The following SNRPD2 variants were observed in gnomAD, a reference collection of about 807,000 sequenced individuals.
SNRPD2 encodes the protein small nuclear ribonucleoprotein Sm D2.
SNRPD2 carries 1 observed loss-of-function variant against 11.5 expected under a neutral mutation model. The observed-to-expected ratio is 0.09, with a 90% CI of 0.03 to 0.41. The LOEUF (loss-of-function observed/expected upper bound fraction) is 0.41. Ranked by LOEUF, SNRPD2 falls within the 10% of genes least tolerant of loss-of-function variation. SNRPD2 has a pLI of 0.98. For missense variants in SNRPD2, 77 were observed against 154.9 expected, an observed-to-expected ratio of 0.50 and a Z score of 2.67; for synonymous variants, 63 against 61.5, an observed-to-expected ratio of 1.02 and a Z score of -0.12.
chr19:45,692,039 C>T, upstream of SNRPD2: 6 of 1,586,336 alleles, frequency 3.8e-6, no homozygotes, highest in Middle Eastern at 3.4e-4. Flanking sequence ...GTTGCCACAG[C>T]ATTCCCCACC....
In SNRPD2 at chr19:45,689,200, A is replaced by C. The variant is rs750536579; in HGVS notation, c.3-634T>G. The C allele has an allele frequency of 1.5e-5, 8 of 520,076 alleles. No individual in the cohort carries two copies. In the Admixed American group the frequency reaches 1.6e-4, roughly 10 times the overall value. 32.2% of individuals were successfully genotyped at this position (520,076 alleles called of 1,614,324 possible). On this transcript the variant is annotated intron_variant, in intron 1 of 2. Coordinates refer to ENST00000342669, the MANE Select transcript of SNRPD2 (RefSeq NM_001384647.1). ...GATTCCTCTTTTTCCCTCACATCCT[A>C]CATGAAATCTGTAGGAAATGGCCGT...
chr19:45,689,593 C>A (rs1967487248), intron 1 of SNRPD2, among the ~76,000 whole-genome samples: 2 of 152,066 alleles, frequency 1.3e-5, no homozygotes, highest in Non-Finnish European at 2.9e-5. Context: ...CGCCTGTAAT[C>A]TCAGCTACTC....
intron 1 of SNRPD2, chr19:45,691,297 A>G (rs968645845): frequency 6.6e-6 from 1 of 152,282 alleles, no homozygotes; most frequent in East Asian, 1.9e-4. Flanking sequence ...CGGCCGGCTA[A>G]TTTTTGTATT....
chr19:45,691,973 C>A (rs560475143), upstream of SNRPD2: 32 of 1,612,894 alleles, frequency 2.0e-5, no homozygotes, highest in South Asian at 2.4e-4. Context: ...CCTCTTCCTG[C>A]GACCCACTTC....
chr19:45,692,023 T>G, upstream of SNRPD2: 1 of 1,601,066 alleles, frequency 6.2e-7, no homozygotes, highest in Non-Finnish European at 8.5e-7. Flanking sequence ...AGTGGAGGCG[T>G]GGCCTGTTGC....
chr19:45,691,799 C>CA lies in SNRPD2; in HGVS notation c.2+87_2+88insT, dbSNP rs552405170. 359 of 1,526,466 alleles carry CA rather than the reference C, an allele frequency of 2.4e-4. 3 individuals are homozygous for CA. The East Asian group carries it at 6.0e-3, about 26-fold the overall frequency. 94.6% of individuals were successfully genotyped at this position (1,526,466 alleles called of 1,614,324 possible). Reference sequence around the variant, plus strand: ...CCCTAAAACATCTGCCCCTGCCCCCCCCGCTCTGCTCAACCCTTCCCACAC... The same window carrying CA: ...CCCTAAAACATCTGCCCCTGCCCCCCACCGCTCTGCTCAACCCTTCCCACAC... On this transcript the variant is annotated intron_variant, in intron 1 of 2. Coordinates refer to ENST00000342669, the MANE Select transcript of SNRPD2 (RefSeq NM_001384647.1).
rs1010669349 is a variant in SNRPD2 at position 45,687,521 on chromosome 19, A to G, written c.*32T>C. The G allele has an allele frequency of 4.4e-6, 7 of 1,604,266 alleles. No homozygotes were observed. The highest frequency in any genetic ancestry group is 6.0e-6 in the Non-Finnish European group (7 of 1,171,462). On this transcript the variant is annotated 3_prime_UTR_variant, in exon 3 of 3. Transcript: ENST00000342669. The surrounding 1 kb of genome is among the most constrained non-coding windows in gnomAD (Gnocchi z 4.1). ...AATGGCAGCGGTCTTCATAGGACAG[A>G]GGAGTGAGTTCTGTCAACAGACAGG...
chr19:45,691,941 TGAG>T lies in SNRPD2; in HGVS notation c.-56_-54del, dbSNP rs1483765360. On this transcript the variant is annotated 5_prime_UTR_variant, in exon 1 of 3. Transcript: ENST00000342669. ...CCGTTTCCTCCGCGTTGCTGCTGCC[TGAG>T]GAGAGAGAGGCGGGACTTCCTCTTC... 1.4e-5 allele frequency: 23 copies of T among 1,613,878 alleles called. 1 individual carries two copies. The Admixed American group carries it at 3.5e-4, about 25-fold the overall frequency.
rs528024633 is a variant in SNRPD2 at position 45,688,843 on chromosome 19, C to T, written c.3-277G>A. ...TGCCTCCTGGGTTCAAGCGATTCTC[C>T]TGCCTCAGCCTCCTGAGGAGCTGGG... On this transcript the variant is annotated intron_variant, in intron 1 of 2. Coordinates refer to ENST00000342669, the MANE Select transcript of SNRPD2 (RefSeq NM_001384647.1). This position sits in a 1 kb window ranked among gnomAD's most constrained non-coding sequence, Gnocchi z 4.1. Among the ~76,000 whole-genome samples the T allele has an allele frequency of 2.0e-4, 30 of 152,174 alleles. No homozygotes were observed. The highest frequency in any genetic ancestry group is 7.2e-4 in the African/African-American group (30 of 41,514).
chr19:45,688,580 C>G lies in SNRPD2; in HGVS notation c.3-14G>C, dbSNP rs1967466153. 6.2e-7 allele frequency: 1 copy of G among 1,609,934 alleles called. No individual in the cohort carries two copies. Among genetic ancestry groups the G allele is most frequent in the Non-Finnish European group, 8.5e-7 (1 of 1,176,298 alleles). Reference sequence around the variant, plus strand: ...TTGAGGAGGCTCCTGCATGGACAAACATGGAACCAATAAGTGAGAGAGGCT... The same window carrying G: ...TTGAGGAGGCTCCTGCATGGACAAAGATGGAACCAATAAGTGAGAGAGGCT... On this transcript the variant is annotated splice_polypyrimidine_tract_variant and intron_variant, in intron 1 of 2. Transcript: ENST00000342669. The surrounding 1 kb of genome is among the most constrained non-coding windows in gnomAD (Gnocchi z 4.1).
intron 1 of SNRPD2, among the ~76,000 whole-genome samples, chr19:45,689,772 G>A (rs1476137167): frequency 1.3e-5 from 2 of 152,082 alleles, no homozygotes; most frequent in African/African-American, 2.4e-5. Flanking sequence ...GATGGCTCAC[G>A]CCTGTAATCC....
intron 1 of SNRPD2, chr19:45,689,306 G>C (rs1168876947): frequency 5.8e-6 from 3 of 519,906 alleles, no homozygotes; most frequent in Non-Finnish European, 1.2e-5. Flanking sequence ...TTCCCTGACA[G>C]TCTGTTCTCC....
rs1378641959 is a variant in SNRPD2, at chr19:45,688,143, C to T, written c.182+244G>A. On this transcript the variant is annotated intron_variant, in intron 2 of 2. Coordinates refer to ENST00000342669, the MANE Select transcript of SNRPD2 (RefSeq NM_001384647.1). This position sits in a 1 kb window ranked among gnomAD's most constrained non-coding sequence, Gnocchi z 4.1. ...CTGTGAATACAGGCGTGCACCACCACGCCTGGCTTTTATATTTTTAGTAGA... is the reference window on the plus strand; with the variant it reads ...CTGTGAATACAGGCGTGCACCACCATGCCTGGCTTTTATATTTTTAGTAGA... Among the ~76,000 whole-genome samples the T allele has an allele frequency of 2.0e-5, 3 of 152,202 alleles. No homozygotes were observed. The highest frequency in any genetic ancestry group is 2.1e-4 in the South Asian group (1 of 4,830).
chr19:45,688,684 T>A lies in SNRPD2; in HGVS notation c.3-118A>T, dbSNP rs1967468557. 1.4e-6 allele frequency: 1 copy of A among 733,870 alleles called. No homozygotes were observed. The highest frequency in any genetic ancestry group is 2.4e-6 in the Non-Finnish European group (1 of 422,968). 45.5% of individuals were successfully genotyped at this position (733,870 alleles called of 1,614,324 possible). A position where few individuals can be genotyped will look rare whatever the true frequency, so the allele number is the denominator to read the frequency against. On this transcript the variant is annotated intron_variant, in intron 1 of 2. Coordinates refer to ENST00000342669, the MANE Select transcript of SNRPD2 (RefSeq NM_001384647.1). The surrounding 1 kb of genome is among the most constrained non-coding windows in gnomAD (Gnocchi z 4.1). Reference sequence around the variant, plus strand: ...GTCTCCCCAACCTTGTCCCACCACATCTGTCCTCCTGTTCAGCCTTCTGAG... The same window carrying A: ...GTCTCCCCAACCTTGTCCCACCACAACTGTCCTCCTGTTCAGCCTTCTGAG...
chr19:45,691,928 C>T lies in SNRPD2; in HGVS notation c.-40G>A. ...TCTCCGTTCACTCCCGTTTCCTCCGCGTTGCTGCTGCCTGAGGAGAGAGAG... is the reference window on the plus strand; with the variant it reads ...TCTCCGTTCACTCCCGTTTCCTCCGTGTTGCTGCTGCCTGAGGAGAGAGAG... On this transcript the variant is annotated 5_prime_UTR_variant, in exon 1 of 3. Coordinates refer to ENST00000342669, the MANE Select transcript of SNRPD2 (RefSeq NM_001384647.1). 1 of 1,614,152 alleles carries T rather than the reference C, an allele frequency of 6.2e-7. No homozygotes were observed.
Position 45,688,630 on chromosome 19 carries a change from G to A in SNRPD2, c.3-64C>T. 7.5e-7 allele frequency: 1 copy of A among 1,328,754 alleles called. No individual in the cohort carries two copies. The highest frequency in any genetic ancestry group is 1.1e-6 in the Non-Finnish European group (1 of 927,082). The allele number at this position is 1,328,754 out of a possible 1,614,324, so 82.3% of individuals were successfully genotyped here. On this transcript the variant is annotated intron_variant, in intron 1 of 2. Coordinates refer to ENST00000342669, the MANE Select transcript of SNRPD2 (RefSeq NM_001384647.1). The surrounding 1 kb of genome is among the most constrained non-coding windows in gnomAD (Gnocchi z 4.1). ...TGGAGTTGAGAGGCTGGAGCTGTGA[G>A]GATGGGTGATCAGGGCCTTGGCTTC...
chr19:45,691,799 C>A, intron 1 of SNRPD2, 88 bp downstream of exon 1: 1 of 1,526,464 alleles, frequency 6.6e-7, no homozygotes, highest in South Asian at 1.1e-5. Flanking sequence ...CCCTGCCCCC[C>A]CCGCTCTGCT....
rs754950951 is a variant in SNRPD2 at position 45,688,473 on chromosome 19, G to A, written c.96C>T (p.Leu32=). 1.2e-6 allele frequency: 2 copies of A among 1,613,882 alleles called. No homozygotes were observed. Among genetic ancestry groups the A allele is most frequent in the South Asian group, 1.1e-5 (1 of 91,082 alleles). ...GGGTATTGTTCTTGACTGACTGTGT[G>A]AGCACAGAGAGTGGACCGGTGTTAA... ...EEFNTGPLSV[L]TQSVKNNTQV... The change falls in exon 2 of 3, where the codon CTC becomes CTT. Residue 32 remains leucine, a synonymous_variant. Coordinates refer to ENST00000342669, the MANE Select transcript of SNRPD2 (RefSeq NM_001384647.1). This position sits in a 1 kb window ranked among gnomAD's most constrained non-coding sequence, Gnocchi z 4.1.
Position 45,691,909 on chromosome 19 carries a change from T to A in SNRPD2, c.-21A>T, listed in dbSNP as rs1967571364. 1 of 1,614,058 alleles carries A rather than the reference T, an allele frequency of 6.2e-7. No individual in the cohort carries two copies. The highest frequency in any genetic ancestry group is 1.1e-5 in the South Asian group (1 of 91,082). The stretch of plus-strand genomic sequence containing the variant: ...CACATGATGGTCACTACGCTCTCCG[T>A]TCACTCCCGTTTCCTCCGCGTTGCT... On this transcript the variant is annotated 5_prime_UTR_variant, in exon 1 of 3. Transcript: ENST00000342669.
Sources: allele counts gnomAD v4.1 joint callset (sites outside exome capture counted in the v4.1 genomes callset), GRCh38; gene constraint gnomAD v4.1.1; non-coding constraint Gnocchi (gnomAD v3.1); transcripts MANE v1.5; gene names NCBI Gene and HGNC (gene_info 2026-07-23, HGNC 2026-07-21).